Variants in CSMD1 observed in about 807,000 individuals in gnomAD.
The protein encoded by CSMD1 is CUB and Sushi multiple domains 1, also known as CUB and sushi domain-containing protein 1.
CSMD1 carries 213 observed loss-of-function variants against 417.5 expected under a neutral mutation model. The ratio of observed to expected loss-of-function variants is 0.51; its 90% CI spans 0.46 to 0.57. The LOEUF (loss-of-function observed/expected upper bound fraction) is 0.57, where lower values mean the gene tolerates loss of function less well. Ranked by LOEUF, CSMD1 falls within the 20% of genes least tolerant of loss-of-function variation. The probability of loss-of-function intolerance (pLI) is 0.00; values close to 1 mark genes in which losing one functional copy is unlikely to be tolerated. For missense variants in CSMD1, 6,923 were observed against 4,529.7 expected (o/e 1.53, Z -15.17); for synonymous variants, 2,862 against 1,736.8 (o/e 1.65, Z -16.11).
At chr8:3,904,410 T>G (rs781000108) in intron 5 of CSMD1, among the ~76,000 whole-genome samples, 1 of 152,202 alleles carries the variant, frequency 6.6e-6, no homozygotes, top group African/African-American at 2.4e-5. Flanking sequence ...TGGACCTATG[T>G]TAGTGCTTCT....
chr8:4,407,112 G>C (rs926571014), intron 3 of CSMD1, among the ~76,000 whole-genome samples: 6 of 152,094 alleles, frequency 3.9e-5, no homozygotes, highest in East Asian at 1.9e-4. Flanking sequence ...AGCAGAGTTG[G>C]GTAGTTACCA....
Position 4,386,208 on chromosome 8 carries a change from G to C in CSMD1, c.415+33745C>G, listed in dbSNP as rs532718174. Among the ~76,000 whole-genome samples, 3 of 151,474 alleles carry C rather than the reference G, an allele frequency of 2.0e-5. No homozygotes were observed. In the East Asian group the frequency reaches 5.9e-4, roughly 30 times the overall value. On this transcript the variant is annotated intron_variant, in intron 3 of 69. Coordinates refer to ENST00000635120, the MANE Select transcript of CSMD1 (RefSeq NM_033225.6). ...GACATTCTCCTACCTTCCATCCCTG[G>C]TTATGACTTCCATCCAACTCAAGCA...
intron 3 of CSMD1, among the ~76,000 whole-genome samples, chr8:4,173,086 G>C (rs780908999): frequency 2.5e-4 from 38 of 152,082 alleles, no homozygotes; most frequent in Non-Finnish European, 4.4e-4. Flanking sequence ...CTTAATTTCA[G>C]GGAAAGGTTG....
chr8:3,838,450 T>C (rs1346409721), intron 5 of CSMD1, among the ~76,000 whole-genome samples: 1 of 148,980 alleles, frequency 6.7e-6, no homozygotes, highest in African/African-American at 2.5e-5. Context: ...GTATAGACTA[T>C]ACATATATAG....
chr8:4,902,052 G>A (rs748951701), intron 1 of CSMD1, among the ~76,000 whole-genome samples: 61 of 152,156 alleles, frequency 4.0e-4, no homozygotes, highest in Non-Finnish European at 7.2e-4. Flanking sequence ...TTGGCTATAT[G>A]GACTTACATT....
At chr8:4,398,705 A>C (rs2128927883) in intron 3 of CSMD1, among the ~76,000 whole-genome samples, 1 of 152,210 alleles carries the variant, frequency 6.6e-6, no homozygotes, top group African/African-American at 2.4e-5. Flanking sequence ...ACTCTGCAAC[A>C]TTTAGCTACA....
chr8:4,163,492 C>G (rs556268980), intron 3 of CSMD1, among the ~76,000 whole-genome samples: 36 of 152,192 alleles, frequency 2.4e-4, no homozygotes, highest in African/African-American at 8.2e-4. Flanking sequence ...TTTTATCCTT[C>G]AACTCACAGT....
intron 3 of CSMD1, among the ~76,000 whole-genome samples, chr8:4,075,678 C>G (rs1314131548): frequency 6.6e-6 from 1 of 152,132 alleles, no homozygotes; most frequent in Non-Finnish European, 1.5e-5. Flanking sequence ...CGTTTTGGAG[C>G]ACTGGATTCA....
At chr8:4,473,145 G>T (rs1034300600) in intron 2 of CSMD1, among the ~76,000 whole-genome samples, 5 of 151,916 alleles carry the variant, frequency 3.3e-5, no homozygotes, top group Admixed American at 2.6e-4. Context: ...TAAATTCCTG[G>T]AATATAGATT....
At chr8:4,067,904 C>A (rs552450416) in intron 3 of CSMD1, among the ~76,000 whole-genome samples, 1 of 151,996 alleles carries the variant, frequency 6.6e-6, no homozygotes, top group African/African-American at 2.4e-5. Context: ...TGATGAAACC[C>A]CAACTCTACT....
chr8:4,578,380 C>A (rs1469851564), intron 2 of CSMD1, among the ~76,000 whole-genome samples: 2 of 134,658 alleles, frequency 1.5e-5, no homozygotes, highest in African/African-American at 6.0e-5. Context: ...GGGGTTTCAC[C>A]GTGTTAGCCA....
At chr8:4,804,902 AT>A (rs2117302462) in intron 1 of CSMD1, among the ~76,000 whole-genome samples, 1 of 152,324 alleles carries the variant, frequency 6.6e-6, no homozygotes, top group African/African-American at 2.4e-5. Context: ...TGCTTCCCTA[AT>A]AAAAGAGAAA....
At chr8:3,431,195 T>G (rs554093071) in intron 12 of CSMD1, among the ~76,000 whole-genome samples, 1 of 152,230 alleles carries the variant, frequency 6.6e-6, no homozygotes, top group South Asian at 2.1e-4. Flanking sequence ...AGATTAGGAT[T>G]TCCCAGTTCC....
At chr8:3,825,527 G>A (rs542918187) in intron 5 of CSMD1, among the ~76,000 whole-genome samples, 1 of 152,146 alleles carries the variant, frequency 6.6e-6, no homozygotes, top group Non-Finnish European at 1.5e-5. Flanking sequence ...TCTGCAATGG[G>A]ATGCAGGGGC....
At chr8:4,078,085 C>T (rs1799927816) in intron 3 of CSMD1, among the ~76,000 whole-genome samples, 1 of 152,020 alleles carries the variant, frequency 6.6e-6, no homozygotes, top group Non-Finnish European at 1.5e-5. Context: ...TGCCTACATG[C>T]CAAAGAGAGA....
At chr8:3,709,819 G>C (rs1192536207) in intron 6 of CSMD1, among the ~76,000 whole-genome samples, 3 of 149,644 alleles carry the variant, frequency 2.0e-5, no homozygotes, top group Non-Finnish European at 4.4e-5. Flanking sequence ...AATCATGTGA[G>C]TCAGTTCCTT....
intron 8 of CSMD1, among the ~76,000 whole-genome samples, chr8:3,606,859 T>C (rs977723580): frequency 3.3e-5 from 5 of 151,886 alleles, no homozygotes; most frequent in African/African-American, 4.8e-5. Context: ...TACAGGCACC[T>C]GCCACCACGC....
At chr8:4,784,656 A>C (rs1170632925) in intron 1 of CSMD1, among the ~76,000 whole-genome samples, 1 of 152,236 alleles carries the variant, frequency 6.6e-6, no homozygotes, top group African/African-American at 2.4e-5. Context: ...CATTAAAAGA[A>C]GGGCAAATAT....
At chr8:3,669,633 C>A (rs1341893558) in intron 7 of CSMD1, among the ~76,000 whole-genome samples, 1 of 152,184 alleles carries the variant, frequency 6.6e-6, no homozygotes, top group East Asian at 1.9e-4. Context: ...TATTCGCCCG[C>A]TGGGTACATC....
Sources: allele counts gnomAD v4.1 joint callset (sites outside exome capture counted in the v4.1 genomes callset), GRCh38; gene constraint gnomAD v4.1.1; transcripts MANE v1.5; gene names NCBI Gene and HGNC (gene_info 2026-07-23, HGNC 2026-07-21).